Variants in ATF6 observed in about 807,000 individuals in gnomAD.
The protein encoded by ATF6 is cyclic AMP-dependent transcription factor ATF-6 alpha.
Under a neutral mutation model 83.6 loss-of-function variants are expected in ATF6, and 53 were observed. That is an observed-to-expected ratio of 0.63 (90% CI 0.51 to 0.80). The LOEUF (loss-of-function observed/expected upper bound fraction) is 0.80. Among genes scored for constraint, ATF6 ranks in the 30% least tolerant of loss-of-function variants. The pLI is 0.00. For missense variants in ATF6, 744 were observed against 797.9 expected (o/e 0.93, Z 0.81); for synonymous variants, 288 against 285.8 (o/e 1.01, Z -0.08).
chr1:161,901,672 C>A (rs546515936), intron 14 of ATF6, among the ~76,000 whole-genome samples: 2 of 151,968 alleles, frequency 1.3e-5, no homozygotes, highest in Admixed American at 1.3e-4. Flanking sequence ...TAAGTAGTTG[C>A]AAAGGGAAGG....
At chr1:161,902,249 C>A (rs1422865786) in intron 14 of ATF6, among the ~76,000 whole-genome samples, 1 of 152,098 alleles carries the variant, frequency 6.6e-6, no homozygotes, top group Non-Finnish European at 1.5e-5. Flanking sequence ...ATCATTCACC[C>A]AAGTGCTTTT....
At chr1:161,815,357 A>G (rs1046833296) in intron 7 of ATF6, among the ~76,000 whole-genome samples, 2 of 151,440 alleles carry the variant, frequency 1.3e-5, no homozygotes, top group Admixed American at 1.3e-4. Context: ...ATGCCCAGCT[A>G]ATTTTTTAAT....
At chr1:161,882,923 G>A (rs1687348414) in intron 14 of ATF6, among the ~76,000 whole-genome samples, 1 of 151,696 alleles carries the variant, frequency 6.6e-6, no homozygotes, top group Admixed American at 6.6e-5. Flanking sequence ...TATCATCAGG[G>A]GATTGACCTT....
In ATF6 at chr1:161,804,063, A is replaced by G. The variant is rs544178107; in HGVS notation, c.909+1791A>G. 6.4e-3 allele frequency among the ~76,000 whole-genome samples: 908 copies of G among 141,134 alleles called. 18 individuals are homozygous for G. The highest frequency in any genetic ancestry group is 0.023 in the African/African-American group (870 of 37,626). The allele number at this position is 141,134 out of a possible 152,430, so 92.6% of individuals were successfully genotyped here. On this transcript the variant is annotated intron_variant, in intron 7 of 15. Transcript: ENST00000367942. ...TGTGTCCATGTGTTCTCATTGTTCA[A>G]TTCCCACCTATGAGTGAGAATATGC...
chr1:161,901,492 A>C (rs1351967538), intron 14 of ATF6, among the ~76,000 whole-genome samples: 1 of 151,520 alleles, frequency 6.6e-6, no homozygotes, highest in Non-Finnish European at 1.5e-5. Flanking sequence ...TATCTCCCAA[A>C]GCAAAAAAAA....
intron 15 of ATF6, among the ~76,000 whole-genome samples, chr1:161,916,121 C>T (rs538621390): frequency 1.2e-3 from 186 of 152,300 alleles, no homozygotes; most frequent in African/African-American, 4.2e-3. Flanking sequence ...CTTGCCCTTC[C>T]ACTCCACTGA....
rs1689120698 is a variant in ATF6 at position 161,962,444 on chromosome 1, A to G, written c.*3790A>G. 1 of 152,158 alleles carries G rather than the reference A, an allele frequency of 6.6e-6. No individual in the cohort carries two copies. The highest frequency in any genetic ancestry group is 2.4e-5 in the African/African-American group (1 of 41,422). The allele number at this position is 152,158 out of a possible 1,614,324, so 9.4% of individuals were successfully genotyped here. A position where few individuals can be genotyped will look rare whatever the true frequency, so the allele number is the denominator to read the frequency against. ...CATCGTTAAAACTGGAAAACTCTCA[A>G]GCTCTTTGCCACTTTCCTACTATTT... On this transcript the variant is annotated 3_prime_UTR_variant, in exon 16 of 16. Transcript: ENST00000367942.
At chr1:161,816,133 C>CT (rs145178004) in intron 7 of ATF6, among the ~76,000 whole-genome samples, 1,978 of 152,240 alleles carry the variant, frequency 0.013, 47 homozygotes, top group African/African-American at 0.044. Flanking sequence ...TCAAAGGAAA[C>CT]TATTTTGCAG....
intron 5 of ATF6, 111 bp from the exon 6 acceptor site, chr1:161,792,013 G>T: frequency 1.1e-6 from 1 of 908,294 alleles, no homozygotes; most frequent in Non-Finnish European, 1.7e-6. Flanking sequence ...GTTAAAGATT[G>T]TTAATCGAAG....
chr1:161,916,451 A>C (rs916096484), intron 15 of ATF6, among the ~76,000 whole-genome samples: 43 of 152,154 alleles, frequency 2.8e-4, no homozygotes, highest in Non-Finnish European at 5.4e-4. Flanking sequence ...ATGGTGCTTT[A>C]CCCCTAAATA....
At chr1:161,851,269 CACACA>C (rs1557995052) in intron 10 of ATF6, among the ~76,000 whole-genome samples, 32 of 150,580 alleles carry the variant, frequency 2.1e-4, no homozygotes, top group South Asian at 8.4e-4. Flanking sequence ...CACACACACA[CACACA>C]CCCCTACCTG....
intron 9 of ATF6, among the ~76,000 whole-genome samples, chr1:161,823,039 C>T (rs1349053034): frequency 1.3e-5 from 2 of 151,750 alleles, no homozygotes; most frequent in Non-Finnish European, 2.9e-5. Context: ...GTAAATGTGC[C>T]ATAATTTAGC....
At chr1:161,815,891 A>T (rs1306549175) in intron 7 of ATF6, among the ~76,000 whole-genome samples, 1 of 152,154 alleles carries the variant, frequency 6.6e-6, no homozygotes, top group African/African-American at 2.4e-5. Flanking sequence ...AGTAAGCTGC[A>T]ATTGTGCCAC....
At chr1:161,836,487 G>C (rs1377211966) in intron 9 of ATF6, among the ~76,000 whole-genome samples, 2 of 152,294 alleles carry the variant, frequency 1.3e-5, no homozygotes, top group East Asian at 3.9e-4. Flanking sequence ...CTGAGTACCA[G>C]GTGTTACTGA....
intron 7 of ATF6, among the ~76,000 whole-genome samples, chr1:161,811,787 C>CCATCCATCCATA (rs1553231082): frequency 6.6e-6 from 1 of 151,014 alleles, no homozygotes; most frequent in Non-Finnish European, 1.5e-5. Context: ...ATCCATCCAT[C>CCATCCATCCATA]CATATACACA....
chr1:161,860,603 C>T (rs1357170066), intron 13 of ATF6, among the ~76,000 whole-genome samples: 1 of 151,730 alleles, frequency 6.6e-6, no homozygotes, highest in Non-Finnish European at 1.5e-5. Context: ...TTTCATGAAC[C>T]TAGGGAAGGG....
At chr1:161,887,070 CT>C (rs879759167) in intron 14 of ATF6, among the ~76,000 whole-genome samples, 24 of 146,168 alleles carry the variant, frequency 1.6e-4, no homozygotes, top group Admixed American at 2.7e-4. Context: ...TAAAATGAAG[CT>C]TTTTTTTTTT....
chr1:161,918,033 CAG>C (rs1213076626), intron 15 of ATF6, among the ~76,000 whole-genome samples: 1 of 151,970 alleles, frequency 6.6e-6, no homozygotes, highest in Non-Finnish European at 1.5e-5. Flanking sequence ...ATATTAAAGA[CAG>C]ATGTGCAAGG....
At chr1:161,935,068 T>C (rs944070222) in intron 15 of ATF6, among the ~76,000 whole-genome samples, 5 of 152,206 alleles carry the variant, frequency 3.3e-5, no homozygotes, top group African/African-American at 9.7e-5. Context: ...GTCACAAAGC[T>C]CTTTAGATTA....
Sources: gnomAD v4.1 joint callset for allele counts (sites outside exome capture counted in the v4.1 genomes callset) on GRCh38, gnomAD v4.1.1 for gene constraint, MANE v1.5 for transcripts, NCBI Gene and HGNC (gene_info 2026-07-23, HGNC 2026-07-21) for gene names.